Variants in ZNF138 observed in about 807,000 individuals in gnomAD.
ZNF138 encodes the protein zinc finger protein 138 (clone pHZ-32).
Under a neutral mutation model 33.0 loss-of-function variants are expected in ZNF138, and 33 were observed. The observed-to-expected ratio is 1.00, with a 90% CI of 0.76 to 1.34. The LOEUF (loss-of-function observed/expected upper bound fraction) is 1.34, where lower values mean the gene tolerates loss of function less well. Ranked by LOEUF, ZNF138 falls within the 40% of genes most tolerant of loss-of-function variation. The pLI is 0.00. For synonymous variants in ZNF138, 139 were observed against 120.4 expected (o/e 1.15, Z -1.01); for missense variants, 360 against 370.8 (o/e 0.97, Z 0.24).
intron 3 of ZNF138, among the ~76,000 whole-genome samples, chr7:64,825,268 G>A (rs1789493066): frequency 1.5e-5 from 2 of 133,312 alleles, no homozygotes; most frequent in Non-Finnish European, 3.1e-5. Flanking sequence ...TGCCTCCCGG[G>A]TTCACGCCAT....
At chr7:64,829,755 A>G (rs1562923940) in intron 3 of ZNF138, among the ~76,000 whole-genome samples, 3 of 151,766 alleles carry the variant, frequency 2.0e-5, no homozygotes, top group Admixed American at 1.3e-4. Context: ...CTGCACTATT[A>G]TGATAATGCT....
chr7:64,829,177 ATGT>A (rs1789884278), intron 3 of ZNF138, among the ~76,000 whole-genome samples: 1 of 152,118 alleles, frequency 6.6e-6, no homozygotes, highest in Non-Finnish European at 1.5e-5. Flanking sequence ...TGTATCATTA[ATGT>A]TGTTAGGAGT....
intron 3 of ZNF138, chr7:64,830,962 C>G: frequency 6.4e-7 from 1 of 1,551,496 alleles, no homozygotes; most frequent in Non-Finnish European, 8.7e-7. Context: ...CCTTTGATCT[C>G]AGTGGACTCA....
downstream of ZNF138, among the ~76,000 whole-genome samples, chr7:64,837,565 C>T (rs570765981): frequency 6.6e-6 from 1 of 152,118 alleles, no homozygotes; most frequent in African/African-American, 2.4e-5. Flanking sequence ...CAGAGCCACG[C>T]GAGGGCAAAG....
At chr7:64,815,174 A>G (rs1788513632) in intron 2 of ZNF138, 130 bp downstream of exon 2, 1 of 963,874 alleles carries the variant, frequency 1.0e-6, no homozygotes. Flanking sequence ...TTTCAAAAGA[A>G]TCTTTGAGAT....
chr7:64,815,810 T>C (rs1788578700), intron 3 of ZNF138, among the ~76,000 whole-genome samples, 157 bp downstream of exon 3: 2 of 152,190 alleles, frequency 1.3e-5, no homozygotes, highest in African/African-American at 4.8e-5. Flanking sequence ...ACATCTTCTG[T>C]CTTATGTTTT....
At chr7:64,822,389 T>C (rs898412226) in intron 3 of ZNF138, among the ~76,000 whole-genome samples, 1 of 151,734 alleles carries the variant, frequency 6.6e-6, no homozygotes, top group Non-Finnish European at 1.5e-5. Context: ...ATCAATGTCA[T>C]GTTTTTTTCT....
intron 1 of ZNF138, among the ~76,000 whole-genome samples, chr7:64,804,776 G>C (rs947601577): frequency 1.1e-4 from 16 of 152,132 alleles, no homozygotes; most frequent in Non-Finnish European, 2.4e-4. Flanking sequence ...GTGAGACTCT[G>C]TCTCAAAAGA....
At chr7:64,813,312 A>C (rs1788330303) in intron 1 of ZNF138, among the ~76,000 whole-genome samples, 1 of 152,198 alleles carries the variant, frequency 6.6e-6, no homozygotes, top group Non-Finnish European at 1.5e-5. Flanking sequence ...CGTTACCCAG[A>C]AAGTTCTGAA....
intron 1 of ZNF138, 102 bp from the exon 2 acceptor site, chr7:64,814,816 C>T: frequency 7.0e-7 from 1 of 1,438,014 alleles, no homozygotes; most frequent in Non-Finnish European, 9.6e-7. Flanking sequence ...AAGACATAAT[C>T]AGTTTTCCTT....
At chr7:64,805,342 T>C (rs1019864454) in intron 1 of ZNF138, among the ~76,000 whole-genome samples, 2 of 151,180 alleles carry the variant, frequency 1.3e-5, no homozygotes, top group African/African-American at 4.9e-5. Flanking sequence ...GAGGTTGCAG[T>C]GAGCTGAGAT....
chr7:64,839,339 G>A, the ZNF138 span, among the ~76,000 whole-genome samples: 1 of 152,176 alleles, frequency 6.6e-6, no homozygotes, highest in African/African-American at 2.4e-5. Flanking sequence ...TGGACTGGGT[G>A]GACCCCATCC....
At chr7:64,795,967 G>A (rs181750668) in intron 1 of ZNF138, among the ~76,000 whole-genome samples, 1 of 152,160 alleles carries the variant, frequency 6.6e-6, no homozygotes, top group African/African-American at 2.4e-5. Context: ...CCTCTCAAGG[G>A]AGCAGGTGAA....
At chr7:64,820,930 T>C (rs1789075560) in intron 3 of ZNF138, among the ~76,000 whole-genome samples, 1 of 151,594 alleles carries the variant, frequency 6.6e-6, no homozygotes, top group Non-Finnish European at 1.5e-5. Context: ...GCATTCTTGT[T>C]TTCCACCAAC....
Position 64,831,840 on chromosome 7 carries a change from T to G in ZNF138, c.598T>G (p.Cys200Gly). The G allele has an allele frequency of 6.2e-7, 1 of 1,613,760 alleles. No individual in the cohort carries two copies. Among genetic ancestry groups the G allele is most frequent in the Non-Finnish European group, 8.5e-7 (1 of 1,179,906 alleles). The stretch of plus-strand genomic sequence containing the variant: ...AGAGAATTTCTACAAATGTGAAGAG[T>G]GTGGAAAAACCTTTAACTGGTCCAC... ...TRENFYKCEE[C>G]GKTFNWSTNL... Residue 200 changes from cysteine to glycine, a missense_variant, in exon 4 of 4, where the codon TGT (cysteine) becomes GGT (glycine). Physicochemically the swap from Cys to Gly is radical, Grantham distance 159. Coordinates refer to ENST00000307355, the MANE Select transcript of ZNF138 (RefSeq NM_001271639.2).
At chr7:64,803,426 G>T (rs1443567657) in intron 1 of ZNF138, among the ~76,000 whole-genome samples, 3 of 152,118 alleles carry the variant, frequency 2.0e-5, no homozygotes, top group Admixed American at 2.0e-4. Context: ...TCCTTTGACA[G>T]AAAACAGATT....
chr7:64,818,038 G>T (rs11974747), intron 3 of ZNF138, among the ~76,000 whole-genome samples: 136,879 of 148,334 alleles, frequency 0.92, 63,285 homozygotes, highest in South Asian at 0.97. Context: ...CTGCACCCAG[G>T]CTGGAGTGCA....
intron 3 of ZNF138, among the ~76,000 whole-genome samples, chr7:64,816,597 GT>G (rs1330270795): frequency 2.6e-5 from 4 of 151,526 alleles, no homozygotes; most frequent in Non-Finnish European, 5.9e-5. Flanking sequence ...TGTACTTTTT[GT>G]TTTTTAATAT....
At chr7:64,819,628 C>A (rs1788950554) in intron 3 of ZNF138, among the ~76,000 whole-genome samples, 1 of 152,132 alleles carries the variant, frequency 6.6e-6, no homozygotes, top group Non-Finnish European at 1.5e-5. Flanking sequence ...CTCATCTTCC[C>A]AAAGTGCTAG....
Sources: allele counts gnomAD v4.1 joint callset (sites outside exome capture counted in the v4.1 genomes callset), GRCh38; gene constraint gnomAD v4.1.1; transcripts MANE v1.5; gene names NCBI Gene and HGNC (gene_info 2026-07-23, HGNC 2026-07-21).